FAF1: variants seen among roughly 807,000 people sequenced by gnomAD.
FAF1 encodes the protein Fas associated factor 1, also known as FAS-associated factor 1.
A neutral mutation model predicts 92.5 loss-of-function variants in FAF1; 25 were observed. The ratio of observed to expected loss-of-function variants is 0.27; its 90% CI spans 0.20 to 0.38. FAF1 has a LOEUF of 0.38. Among genes scored for constraint, FAF1 ranks in the 10% least tolerant of loss-of-function variants. The pLI is 1.00. For synonymous variants in FAF1, 234 were observed against 273.2 expected (o/e 0.86, Z 1.42); for missense variants, 636 against 793.3 (o/e 0.80, Z 2.38).
intron 18 of FAF1, among the ~76,000 whole-genome samples, chr1:50,443,215 T>C (rs1465694509): frequency 6.6e-6 from 1 of 152,190 alleles, no homozygotes; most frequent in African/African-American, 2.4e-5. Flanking sequence ...ACGATCATTG[T>C]AATCGTGTGC....
chr1:50,671,664 T>A (rs1282257434), intron 7 of FAF1, among the ~76,000 whole-genome samples: 12 of 152,126 alleles, frequency 7.9e-5, no homozygotes, highest in Non-Finnish European at 1.0e-4. Context: ...GTGTAATGGA[T>A]ATTACAATCA....
chr1:50,503,280 GTTAAC>G (rs1647014435), intron 15 of FAF1, among the ~76,000 whole-genome samples: 1 of 152,106 alleles, frequency 6.6e-6, no homozygotes, highest in Non-Finnish European at 1.5e-5. Context: ...CACTACAGTG[GTTAAC>G]TGTATCTTAT....
At chr1:50,858,766 T>C (rs1489050566) in intron 1 of FAF1, among the ~76,000 whole-genome samples, 1 of 151,822 alleles carries the variant, frequency 6.6e-6, no homozygotes, top group African/African-American at 2.4e-5. Flanking sequence ...GAAAAAAATA[T>C]ATGAGGACAT....
chr1:50,775,118 A>G (rs890246755), intron 4 of FAF1, among the ~76,000 whole-genome samples: 12 of 152,144 alleles, frequency 7.9e-5, no homozygotes, highest in Non-Finnish European at 1.3e-4. Context: ...TATTATTTAT[A>G]TAATTTCAGT....
chr1:50,786,796 G>A (rs1257048500), intron 4 of FAF1, among the ~76,000 whole-genome samples: 1 of 152,154 alleles, frequency 6.6e-6, no homozygotes, highest in Non-Finnish European at 1.5e-5. Context: ...TAGAAATGCA[G>A]GTAGGGGCTT....
chr1:50,873,158 A>C (rs1644542430), intron 1 of FAF1, among the ~76,000 whole-genome samples: 1 of 152,166 alleles, frequency 6.6e-6, no homozygotes, highest in African/African-American at 2.4e-5. Flanking sequence ...AAAGTGTTTT[A>C]AAATTAAGGT....
chr1:50,542,620 G>A (rs1648811929), intron 13 of FAF1, among the ~76,000 whole-genome samples: 1 of 152,218 alleles, frequency 6.6e-6, no homozygotes, highest in Non-Finnish European at 1.5e-5. Flanking sequence ...AGAGTTAGAT[G>A]TCATAAAGTG....
chr1:50,736,949 G>A (rs1304635537), intron 6 of FAF1, among the ~76,000 whole-genome samples: 1 of 151,966 alleles, frequency 6.6e-6, no homozygotes, highest in Non-Finnish European at 1.5e-5. Context: ...TAGTTTTATA[G>A]AAAGATACAT....
At position 50,959,781 on chromosome 1, in the gene FAF1, G is replaced by A. The variant is rs553149344; in HGVS notation, c.31C>T (p.Leu11=). 4 of 1,601,922 alleles carry A rather than the reference G, an allele frequency of 2.5e-6. No individual in the cohort carries two copies. The South Asian group carries it at 3.3e-5, about 13-fold the overall frequency. MASNMDREMI[L]ADFQACTGIE... ...AGATACTTCACCTGAAAATCCGCCA[G>A]GATCATCTCCCGGTCCATGTTGGAC... is the stretch of plus-strand genomic sequence containing the variant. Residue 11 remains leucine (L), a synonymous_variant, in exon 1 of 19, where the codon CTG becomes TTG. Coordinates refer to ENST00000396153, the MANE Select transcript of FAF1 (RefSeq NM_007051.3).
intron 9 of FAF1, among the ~76,000 whole-genome samples, chr1:50,587,814 G>A (rs1428582633): frequency 2.6e-5 from 4 of 152,150 alleles, no homozygotes; most frequent in Non-Finnish European, 5.9e-5. Context: ...TCAGAAGAGA[G>A]GACCTAAATC....
At chr1:50,727,967 C>T (rs1658732480) in intron 6 of FAF1, among the ~76,000 whole-genome samples, 1 of 152,136 alleles carries the variant, frequency 6.6e-6, no homozygotes, top group Admixed American at 6.6e-5. Context: ...CTGATCCCCT[C>T]CACTGCTTCC....
chr1:50,833,337 T>C (rs1644171556), intron 2 of FAF1, among the ~76,000 whole-genome samples: 2 of 150,966 alleles, frequency 1.3e-5, no homozygotes, highest in Non-Finnish European at 2.9e-5. Flanking sequence ...TACAGGCTTA[T>C]TATAAAAAAA....
chr1:50,843,177 A>G (rs1644269600), intron 2 of FAF1, among the ~76,000 whole-genome samples: 1 of 152,164 alleles, frequency 6.6e-6, no homozygotes, highest in East Asian at 1.9e-4. Context: ...ATCACAACTG[A>G]TATTTTTTTA....
intron 3 of FAF1, among the ~76,000 whole-genome samples, chr1:50,798,318 G>A (rs1661842027): frequency 6.6e-6 from 1 of 152,110 alleles, no homozygotes; most frequent in Non-Finnish European, 1.5e-5. Context: ...ACACCTGTCT[G>A]GGTAATAAAA....
intron 2 of FAF1, among the ~76,000 whole-genome samples, chr1:50,834,144 C>A (rs1341024711): frequency 6.6e-6 from 1 of 152,212 alleles, no homozygotes; most frequent in Non-Finnish European, 1.5e-5. Flanking sequence ...CCCCGCTTCG[C>A]CCTCTTCCTC....
chr1:50,914,675 T>C (rs1291443253), intron 1 of FAF1, among the ~76,000 whole-genome samples: 1 of 152,224 alleles, frequency 6.6e-6, no homozygotes, highest in Non-Finnish European at 1.5e-5. Context: ...TATAATGTTA[T>C]TCAACTTCTT....
At chr1:50,854,987 G>A (rs1465222137) in intron 2 of FAF1, among the ~76,000 whole-genome samples, 11 of 151,750 alleles carry the variant, frequency 7.2e-5, no homozygotes, top group African/African-American at 2.4e-4. Flanking sequence ...GGAAATGCTC[G>A]ATGGAACATT....
chr1:50,901,553 A>T (rs1022245823), intron 1 of FAF1, among the ~76,000 whole-genome samples: 2 of 151,762 alleles, frequency 1.3e-5, no homozygotes, highest in Admixed American at 1.3e-4. Flanking sequence ...TTAAAAATTT[A>T]AAAAGAAAAA....
chr1:50,571,797 G>A (rs1008835620), intron 12 of FAF1, among the ~76,000 whole-genome samples: 5 of 152,166 alleles, frequency 3.3e-5, no homozygotes, highest in Non-Finnish European at 7.3e-5. Flanking sequence ...CAGAACCATA[G>A]AATATTAGAG....
Sources: allele counts gnomAD v4.1 joint callset (sites outside exome capture counted in the v4.1 genomes callset), GRCh38; gene constraint gnomAD v4.1.1; transcripts MANE v1.5; gene names NCBI Gene and HGNC (gene_info 2026-07-23, HGNC 2026-07-21).